The following LINGO2 variants were observed in gnomAD, a reference collection of about 807,000 sequenced individuals.
LINGO2 encodes leucine rich repeat and Ig domain containing 2.
In LINGO2, 14 loss-of-function variants were observed where a neutral mutation model predicts 30.6. The observed-to-expected ratio is 0.46, with a 90% CI of 0.30 to 0.72. The LOEUF (loss-of-function observed/expected upper bound fraction) is 0.72. Among genes scored for constraint, LINGO2 ranks in the 30% least tolerant of loss-of-function variants. The pLI is 0.07. For missense variants in LINGO2, 729 were observed against 751.7 expected, an observed-to-expected ratio of 0.97 and a Z score of 0.35; for synonymous variants, 317 against 288.5, an observed-to-expected ratio of 1.10 and a Z score of -1.00.
At chr9:29,039,094 G>A in the LINGO2 span, among the ~76,000 whole-genome samples, 8 of 151,786 alleles carry the variant, frequency 5.3e-5, no homozygotes, top group African/African-American at 1.7e-4. Flanking sequence ...TACAACCAGC[G>A]GCAAATTCAT....
At chr9:28,561,753 A>G (rs866440001) in intron 1 of LINGO2, among the ~76,000 whole-genome samples, 3,049 of 56,148 alleles carry the variant, frequency 0.054, 360 homozygotes, top group African/African-American at 0.15. Flanking sequence ...GTGTGTGTAT[A>G]TATATATATA....
intron 4 of LINGO2, among the ~76,000 whole-genome samples, chr9:28,021,625 T>C (rs1823127932): frequency 6.6e-6 from 1 of 152,120 alleles, no homozygotes; most frequent in Non-Finnish European, 1.5e-5. Flanking sequence ...ATTGGTCCAT[T>C]TCTCCTTGGA....
At chr9:28,877,683 C>T in the LINGO2 span, among the ~76,000 whole-genome samples, 21 of 152,156 alleles carry the variant, frequency 1.4e-4, no homozygotes, top group East Asian at 1.9e-4. Context: ...AGTCAGGTAG[C>T]GTGATGCCTC....
At chr9:28,054,787 CTTAA>C (rs745741377) in intron 4 of LINGO2, among the ~76,000 whole-genome samples, 12 of 151,758 alleles carry the variant, frequency 7.9e-5, no homozygotes, top group South Asian at 2.1e-4. Context: ...CAGGCTATAA[CTTAA>C]TTTTTAATTT....
chr9:28,386,120 A>T (rs1821570526), intron 2 of LINGO2, among the ~76,000 whole-genome samples: 2 of 152,200 alleles, frequency 1.3e-5, no homozygotes, highest in Non-Finnish European at 2.9e-5. Context: ...CTGCCTGAGG[A>T]TCACCTGTTC....
intron 4 of LINGO2, among the ~76,000 whole-genome samples, chr9:28,021,225 G>A (rs1197910): frequency 0.32 from 48,535 of 151,710 alleles, 8,808 homozygotes; most frequent in African/African-American, 0.49. Flanking sequence ...TAGTATTTTC[G>A]TTTTCATTTA....
the LINGO2 span, among the ~76,000 whole-genome samples, chr9:28,768,810 T>C: frequency 6.6e-6 from 1 of 152,300 alleles, no homozygotes; most frequent in Admixed American, 6.5e-5. Context: ...ATTGAGAATC[T>C]TGATTCCCAT....
chr9:28,927,777 T>A, the LINGO2 span, among the ~76,000 whole-genome samples: 1 of 152,240 alleles, frequency 6.6e-6, no homozygotes, highest in African/African-American at 2.4e-5. Context: ...TTAATTCATT[T>A]CTTTTTCACA....
the LINGO2 span, among the ~76,000 whole-genome samples, chr9:28,794,524 A>G: frequency 6.6e-6 from 1 of 152,168 alleles, no homozygotes; most frequent in Non-Finnish European, 1.5e-5. Flanking sequence ...TCACCAGAGA[A>G]GGGGAATTGT....
the LINGO2 span, among the ~76,000 whole-genome samples, chr9:28,993,818 C>T: frequency 6.6e-6 from 1 of 152,094 alleles, no homozygotes; most frequent in South Asian, 2.1e-4. Flanking sequence ...AATTCAACAA[C>T]CCTGCATGCT....
At chr9:28,305,500 A>G (rs1419667426) in intron 3 of LINGO2, among the ~76,000 whole-genome samples, 1 of 152,086 alleles carries the variant, frequency 6.6e-6, no homozygotes, top group Non-Finnish European at 1.5e-5. Context: ...ACTGATTAAT[A>G]TGTGGATTTA....
the LINGO2 span, among the ~76,000 whole-genome samples, chr9:28,846,429 A>G: frequency 1.6e-5 from 2 of 125,420 alleles, no homozygotes; most frequent in Non-Finnish European, 3.4e-5. Flanking sequence ...AACCACTCTT[A>G]AGATTCCCGA....
chr9:28,196,451 C>T (rs1820016308), intron 4 of LINGO2, among the ~76,000 whole-genome samples: 3 of 151,772 alleles, frequency 2.0e-5, no homozygotes, highest in South Asian at 4.1e-4. Flanking sequence ...ATTATATGTA[C>T]AAGCAGTACC....
At chr9:28,582,125 T>C (rs1202604007) in intron 1 of LINGO2, among the ~76,000 whole-genome samples, 1 of 151,992 alleles carries the variant, frequency 6.6e-6, no homozygotes, top group African/African-American at 2.4e-5. Context: ...TAAATTATTT[T>C]AAAATGGCTA....
intron 4 of LINGO2, among the ~76,000 whole-genome samples, chr9:28,262,676 A>G (rs529458927): frequency 6.6e-6 from 1 of 151,408 alleles, no homozygotes; most frequent in Non-Finnish European, 1.5e-5. Flanking sequence ...ATTTTAAAAC[A>G]ATGTAGAGCT....
chr9:28,923,449 G>T, the LINGO2 span, among the ~76,000 whole-genome samples: 3 of 152,194 alleles, frequency 2.0e-5, no homozygotes, highest in African/African-American at 7.2e-5. Context: ...GAAGCTTTTA[G>T]AATAAATAAG....
chr9:28,105,004 T>A (rs887582636), intron 4 of LINGO2, among the ~76,000 whole-genome samples: 2 of 152,132 alleles, frequency 1.3e-5, no homozygotes, highest in Admixed American at 1.3e-4. Flanking sequence ...ACCTGCCATA[T>A]GTACCTCCTC....
At chr9:28,458,413 G>C (rs781319187) in intron 2 of LINGO2, among the ~76,000 whole-genome samples, 1 of 152,030 alleles carries the variant, frequency 6.6e-6, no homozygotes, top group Non-Finnish European at 1.5e-5. Flanking sequence ...CTTGTTATTT[G>C]TCTCATGACA....
the LINGO2 span, among the ~76,000 whole-genome samples, chr9:28,802,199 A>C: frequency 6.6e-6 from 1 of 151,996 alleles, no homozygotes. Flanking sequence ...TATTTCCAAC[A>C]ATTTGAACAA....
Sources: gnomAD v4.1 joint callset for allele counts (sites outside exome capture counted in the v4.1 genomes callset) on GRCh38, gnomAD v4.1.1 for gene constraint, MANE v1.5 for transcripts, NCBI Gene and HGNC (gene_info 2026-07-23, HGNC 2026-07-21) for gene names.